LRP8: variants seen among roughly 807,000 people sequenced by gnomAD.
LRP8 encodes the protein LDL receptor related protein 8, also known as low-density lipoprotein receptor-related protein 8.
In LRP8, 46 loss-of-function variants were observed where a neutral mutation model predicts 111.6. That is an observed-to-expected ratio of 0.41 (90% confidence interval 0.33 to 0.53). LRP8 has a LOEUF of 0.53. LRP8 is among the 20% of genes least tolerant of loss of function. LRP8 has a pLI of 0.20. For synonymous variants in LRP8, 464 were observed against 511.2 expected, an observed-to-expected ratio of 0.91 and a Z score of 1.24; for missense variants, 959 against 1,297.4, an observed-to-expected ratio of 0.74 and a Z score of 4.01.
rs934040773 is a variant in LRP8 at position 53,245,776 on chromosome 1, G to C, written c.*1242C>G. ...TTCCCCACATAAAGGAAATGGTAGA[G>C]AGTAAGGGGAAAAGAGAAATAAGAG... is the stretch of plus-strand genomic sequence containing the variant. On this transcript the variant is annotated 3_prime_UTR_variant, in exon 19 of 19. Transcript: ENST00000306052. 3 of 152,602 alleles carry C rather than the reference G, an allele frequency of 2.0e-5. No individual in the cohort carries two copies. The highest frequency in any genetic ancestry group is 1.5e-5 in the Non-Finnish European group (1 of 68,028). The allele number at this position is 152,602 out of a possible 1,614,324, so 9.5% of individuals were successfully genotyped here. A position where few individuals can be genotyped will look rare whatever the true frequency, so the allele number is the denominator to read the frequency against.
chr1:53,260,515 G>C lies in LRP8; in HGVS notation c.2005C>G (p.Leu669Val). ...ATGACAATGTCATGTGGGTTGTTGA[G>C]GTTCTCAGCCAGGATGGAGATTTCC... ...GLEISILAEN[L>V]NNPHDIVIFH... Residue 669 changes from leucine to valine, a missense_variant, in exon 13 of 19, where the codon CTC becomes GTC. Transcript: ENST00000306052. The C allele has an allele frequency of 6.2e-7, 1 of 1,614,180 alleles. No individual in the cohort carries two copies. Among genetic ancestry groups the C allele is most frequent in the Non-Finnish European group, 8.5e-7 (1 of 1,180,018 alleles).
chr1:53,281,711 A>G (rs1647116793), intron 3 of LRP8, among the ~76,000 whole-genome samples: 1 of 152,174 alleles, frequency 6.6e-6, no homozygotes, highest in Non-Finnish European at 1.5e-5. Flanking sequence ...TTGGCCAACA[A>G]TCCTTATCTC....
chr1:53,274,116 G>A (rs1446922847), intron 6 of LRP8, among the ~76,000 whole-genome samples: 1 of 152,202 alleles, frequency 6.6e-6, no homozygotes, highest in East Asian at 1.9e-4. Flanking sequence ...CGACATCAGG[G>A]CAGCCACTTC....
At chr1:53,270,961 C>T in intron 8 of LRP8, 67 bp downstream of exon 8, 2 of 1,610,950 alleles carry the variant, frequency 1.2e-6, no homozygotes, top group East Asian at 4.5e-5. Context: ...CCACTCCTCA[C>T]AAGTGGAAGC....
At chr1:53,274,746 C>T (rs1419628511) in intron 6 of LRP8, 1 of 456,340 alleles carries the variant, frequency 2.2e-6, no homozygotes, top group Non-Finnish European at 4.4e-6. Flanking sequence ...TCCCTCTGCA[C>T]ATCACACACT....
intron 2 of LRP8, among the ~76,000 whole-genome samples, chr1:53,298,923 T>C (rs1316509029): frequency 1.3e-5 from 2 of 152,182 alleles, no homozygotes; most frequent in African/African-American, 2.4e-5. Context: ...TAGATCTCAT[T>C]CCAGCCCTGC....
intron 3 of LRP8, among the ~76,000 whole-genome samples, chr1:53,288,673 G>A (rs541361517): frequency 2.6e-5 from 4 of 152,164 alleles, no homozygotes; most frequent in South Asian, 2.1e-4. Flanking sequence ...CCTCTGGGAC[G>A]ACTGTTACCC....
chr1:53,320,743 C>A (rs2100546622), intron 2 of LRP8, among the ~76,000 whole-genome samples: 1 of 152,336 alleles, frequency 6.6e-6, no homozygotes, highest in African/African-American at 2.4e-5. Flanking sequence ...CAGTCCCACT[C>A]CCCAGGTCAG....
chr1:53,301,705 T>C (rs1324360367), intron 2 of LRP8, among the ~76,000 whole-genome samples: 1 of 149,892 alleles, frequency 6.7e-6, no homozygotes, highest in African/African-American at 2.5e-5. Context: ...CACTCCAGCC[T>C]GGGCAACAGA....
In LRP8 at chr1:53,266,602, C is replaced by G; in HGVS notation, c.1298G>C (p.Arg433Pro). The G allele has an allele frequency of 6.2e-7, 1 of 1,614,148 alleles. No individual in the cohort carries two copies. The highest frequency in any genetic ancestry group is 8.5e-7 in the Non-Finnish European group (1 of 1,180,038). ...GTTCCGCTTCACCAGGTCGATCCTC[C>G]GCACCTCGTGCCGGTTGGTGAAGAT... ...SLIFTNRHEV[R>P]RIDLVKRNYS... is the part of the protein sequence containing the mutation. Residue 433 changes from arginine (R) to proline (P), a missense_variant, in exon 9 of 19, where the codon CGG (arginine) becomes CCG (proline). Physicochemically the swap from Arg to Pro is moderately radical, Grantham distance 103. This residue lies in a region of LRP8 where 819 missense variants were observed against 1,097.6 expected (regional missense o/e 0.75). Coordinates refer to ENST00000306052, the MANE Select transcript of LRP8 (RefSeq NM_004631.5). The surrounding 1 kb of genome is among the most constrained non-coding windows in gnomAD (Gnocchi z 5.0).
In LRP8 at chr1:53,304,163, A is replaced by G. The variant is rs191558850; in HGVS notation, c.245-14474T>C. ...TTCTATTAACCTGGGTGGAATACCA[A>G]TTACTCCAGCCTTCTCAACATTGCT... is the stretch of plus-strand genomic sequence containing the variant. On this transcript the variant is annotated intron_variant, in intron 2 of 18. Coordinates refer to ENST00000306052, the MANE Select transcript of LRP8 (RefSeq NM_004631.5). Among the ~76,000 whole-genome samples the G allele has an allele frequency of 5.3e-5, 8 of 152,368 alleles. No homozygotes were observed. In the East Asian group the frequency reaches 1.5e-3, roughly 29 times the overall value.
At chr1:53,311,743 C>A (rs1653038841) in intron 2 of LRP8, among the ~76,000 whole-genome samples, 1 of 152,198 alleles carries the variant, frequency 6.6e-6, no homozygotes, top group Non-Finnish European at 1.5e-5. Context: ...GACCAGCCAA[C>A]CAGTGACCCC....
chr1:53,309,764 A>G (rs11811484), intron 2 of LRP8, among the ~76,000 whole-genome samples: 3,559 of 152,254 alleles, frequency 0.023, 59 homozygotes, highest in South Asian at 0.057. Context: ...CCCTGCTCTC[A>G]GGATGGATTC....
intron 2 of LRP8, among the ~76,000 whole-genome samples, chr1:53,307,162 G>A (rs755010471): frequency 6.6e-6 from 1 of 152,184 alleles, no homozygotes; most frequent in South Asian, 2.1e-4. Flanking sequence ...AAAAGCATAG[G>A]TGCCAGCCAG....
intron 6 of LRP8, chr1:53,272,664 A>G: frequency 7.8e-7 from 1 of 1,289,512 alleles, no homozygotes; most frequent in South Asian, 1.2e-5. Flanking sequence ...AGACCACAGC[A>G]ACTCCATGAC....
chr1:53,252,388 T>C (rs61769626), intron 16 of LRP8, among the ~76,000 whole-genome samples: 1,828 of 151,960 alleles, frequency 0.012, 27 homozygotes, highest in East Asian at 0.075. Context: ...TTTAAAAAAT[T>C]AGCCAGGTGT....
chr1:53,322,054 G>A (rs1433873723), intron 2 of LRP8, among the ~76,000 whole-genome samples: 2 of 152,018 alleles, frequency 1.3e-5, no homozygotes, highest in Admixed American at 6.5e-5. Flanking sequence ...CAAGGGGTCC[G>A]GGTTGGCCTG....
chr1:53,261,629 A>G (rs549523384), intron 12 of LRP8, among the ~76,000 whole-genome samples: 1 of 152,206 alleles, frequency 6.6e-6, no homozygotes, highest in South Asian at 2.1e-4. Flanking sequence ...ATTCACTTCT[A>G]TGACCCCAGG....
intron 18 of LRP8, among the ~76,000 whole-genome samples, chr1:53,248,403 T>C (rs554236525): frequency 2.0e-5 from 3 of 152,280 alleles, no homozygotes; most frequent in South Asian, 4.1e-4. Context: ...ATCCGAGAAA[T>C]GGACAGAGGA....
Sources: allele counts gnomAD v4.1 joint callset (sites outside exome capture counted in the v4.1 genomes callset), GRCh38; gene constraint gnomAD v4.1.1; regional missense constraint gnomAD v4.1.1; non-coding constraint Gnocchi (gnomAD v3.1); transcripts MANE v1.5; gene names NCBI Gene and HGNC (gene_info 2026-07-23, HGNC 2026-07-21).